DOCK10: variants seen among roughly 807,000 people sequenced by gnomAD.
DOCK10 encodes the protein dedicator of cytokinesis protein 10.
In DOCK10, 145 loss-of-function variants were observed where a neutral mutation model predicts 280.1. The ratio of observed to expected loss-of-function variants is 0.52; its 90% confidence interval spans 0.45 to 0.59. The LOEUF (loss-of-function observed/expected upper bound fraction) is 0.59, where lower values mean the gene tolerates loss of function less well. Among genes scored for constraint, DOCK10 ranks in the 20% least tolerant of loss-of-function variants. DOCK10 has a pLI of 0.00. For missense variants in DOCK10, 2,368 were observed against 2,651.7 expected (o/e 0.89, Z 2.35); for synonymous variants, 915 against 942.2 (o/e 0.97, Z 0.53).
chr2:225,016,583 ACATATATC>A (rs1559962720), intron 1 of DOCK10, among the ~76,000 whole-genome samples: 2 of 137,248 alleles, frequency 1.5e-5, no homozygotes, highest in Admixed American at 1.4e-4. Context: ...GCACATAGAT[ACATATATC>A]TATGTGCACA....
rs1701461430 is a variant in DOCK10 at position 224,918,445 on chromosome 2, GTGTA to G, written c.244-1665_244-1662del. ...TTGAGTGCGTGTGTTCGTATGGTGT[GTGTA>G]TGTGTTATGTGAGCATGTGTGGTGA... On this transcript the variant is annotated intron_variant, in intron 2 of 55. Transcript: ENST00000258390. Among the ~76,000 whole-genome samples the G allele has an allele frequency of 4.3e-5, 6 of 141,144 alleles. No homozygotes were observed. In the South Asian group the frequency reaches 1.1e-3, roughly 26 times the overall value. 92.6% of individuals were successfully genotyped at this position (141,144 alleles called of 152,430 possible). A position where few individuals can be genotyped will look rare whatever the true frequency, so the allele number is the denominator to read the frequency against.
chr2:224,901,311 C>T (rs1292335406), intron 3 of DOCK10, among the ~76,000 whole-genome samples: 1 of 152,146 alleles, frequency 6.6e-6, no homozygotes, highest in Non-Finnish European at 1.5e-5. Context: ...TACTGACTTC[C>T]CAGCCCACGG....
Position 224,786,803 on chromosome 2 carries a change from TAACTC to T in DOCK10, c.5655+214_5655+218del, listed in dbSNP as rs143061895. The stretch of plus-strand genomic sequence containing the variant: ...TCTTCAAGAAGTTAGAAATCACTGT[TAACTC>T]AACCCATGGATTTCTTTGCTCACTT... On this transcript the variant is annotated intron_variant, in intron 50 of 55. Transcript: ENST00000258390. The surrounding 1 kb of genome is among the most constrained non-coding windows in gnomAD (Gnocchi z 4.7). 0.026 allele frequency among the ~76,000 whole-genome samples: 4,011 copies of T among 152,310 alleles called. 149 individuals are homozygous for T. The highest frequency in any genetic ancestry group is 0.088 in the African/African-American group (3,669 of 41,544).
intron 11 of DOCK10, 107 bp downstream of exon 11, chr2:224,873,889 G>C: frequency 8.5e-7 from 1 of 1,170,748 alleles, no homozygotes; most frequent in South Asian, 1.6e-5. Flanking sequence ...TGGTACACTA[G>C]AGAGTGAGAA....
intron 1 of DOCK10, among the ~76,000 whole-genome samples, chr2:225,014,176 AATGTGGATTTTTAAAGCCACATTTTGC>A (rs1298192046): frequency 6.6e-6 from 1 of 150,494 alleles, no homozygotes; most frequent in Non-Finnish European, 1.5e-5. Context: ...TCCCCAAATC[AATGTGGATTTTTAAAGCCACATTTTGC>A]CTCTGGGAAT....
chr2:224,886,537 AT>A lies in DOCK10; in HGVS notation c.417-7del, dbSNP rs746522326. On this transcript the variant is annotated splice_region_variant and splice_polypyrimidine_tract_variant and intron_variant, in intron 4 of 55. Coordinates refer to ENST00000258390, the MANE Select transcript of DOCK10 (RefSeq NM_014689.3). ...TCTCTGGTTTGTATTCTGCTCTGATATTAAAAAAAAAAAAAGATTCTGATTT... is the reference window on the plus strand; with the variant it reads ...TCTCTGGTTTGTATTCTGCTCTGATATAAAAAAAAAAAAAGATTCTGATTT... 22 of 1,569,758 alleles carry A rather than the reference AT, an allele frequency of 1.4e-5. No individual in the cohort carries two copies. The African/African-American group carries it at 3.3e-4, about 24-fold the overall frequency.
rs746005138 is a variant in DOCK10, at chr2:224,805,424, G to A, written c.3920C>T (p.Thr1307Met). 10 of 1,612,620 alleles carry A rather than the reference G, an allele frequency of 6.2e-6. No homozygotes were observed. The highest frequency in any genetic ancestry group is 4.4e-5 in the South Asian group (4 of 91,060). ...PSTNEKSSEK[T>M]DNCEKIPRPL... ...AAGTCATACCTTTTCACAGTTGTCC[G>A]TCTTCTCACTGCTCTTCTCATTGGT... The change falls in exon 35 of 56, where the codon ACG becomes ATG. Residue 1307 changes from threonine to methionine, a missense_variant. Physicochemically the swap from Thr to Met is moderately conservative, Grantham distance 81 (BLOSUM62 -1). Around this residue, in one of 2 missense-constraint regions of DOCK10, gnomAD observed 1,159 missense variants for 1,400.8 expected, o/e 0.83. Transcript: ENST00000258390. This position sits in a 1 kb window ranked among gnomAD's most constrained non-coding sequence, Gnocchi z 4.3.
At chr2:224,902,172 T>C (rs1005832417) in intron 3 of DOCK10, among the ~76,000 whole-genome samples, 1 of 152,210 alleles carries the variant, frequency 6.6e-6, no homozygotes, top group African/African-American at 2.4e-5. Context: ...GTTACATACC[T>C]CAAATAGCAA....
intron 3 of DOCK10, among the ~76,000 whole-genome samples, chr2:224,907,404 A>C (rs572179576): frequency 6.0e-4 from 92 of 152,240 alleles, no homozygotes; most frequent in African/African-American, 2.1e-3. Flanking sequence ...TTAAGAATAG[A>C]GGGCCAGGCG....
chr2:224,902,265 T>C (rs1219549302), intron 3 of DOCK10, among the ~76,000 whole-genome samples: 1 of 151,358 alleles, frequency 6.6e-6, no homozygotes, highest in Non-Finnish European at 1.5e-5. Flanking sequence ...GCAAGTAACA[T>C]TTTTTTTTCA....
chr2:224,852,493 A>AT, intron 17 of DOCK10, 51 bp from the exon 18 acceptor site: 1 of 1,460,420 alleles, frequency 6.8e-7, no homozygotes, highest in Non-Finnish European at 9.4e-7. Flanking sequence ...ATCAAATAAC[A>AT]TAAAAAACCC....
At chr2:224,779,564 A>C (rs1183204276) in intron 50 of DOCK10, among the ~76,000 whole-genome samples, 1 of 152,174 alleles carries the variant, frequency 6.6e-6, no homozygotes, top group Non-Finnish European at 1.5e-5. Flanking sequence ...GGGTGAAGAC[A>C]CTGGATGTCA....
chr2:224,999,714 T>TTG lies in DOCK10; in HGVS notation c.123+42537_123+42538insCA, dbSNP rs1706375533. ...ATATCCATAAACACTATAATGGTGTTTTTTTTTTTTTTGGTAGATTCTTTA... is the reference window on the plus strand; with the variant it reads ...ATATCCATAAACACTATAATGGTGTTTGTTTTTTTTTTTTGGTAGATTCTTTA... On this transcript the variant is annotated intron_variant, in intron 1 of 55. Coordinates refer to ENST00000258390, the MANE Select transcript of DOCK10 (RefSeq NM_014689.3). 8.8e-5 allele frequency among the ~76,000 whole-genome samples: 13 copies of TTG among 148,560 alleles called. No individual in the cohort carries two copies. The South Asian group carries it at 2.3e-3, about 27-fold the overall frequency.
intron 1 of DOCK10, among the ~76,000 whole-genome samples, chr2:224,940,589 A>C (rs930229298): frequency 6.6e-6 from 1 of 152,168 alleles, no homozygotes. Flanking sequence ...GCATCCTGAA[A>C]ATGGGGGCTT....
intron 1 of DOCK10, among the ~76,000 whole-genome samples, chr2:224,956,157 T>C (rs986999851): frequency 3.3e-5 from 5 of 152,310 alleles, no homozygotes; most frequent in African/African-American, 9.6e-5. Flanking sequence ...GAGACTTGAT[T>C]TGGGACCTGG....
chr2:224,909,791 T>TGAACA (rs1700897303), intron 3 of DOCK10, among the ~76,000 whole-genome samples: 1 of 31,910 alleles, frequency 3.1e-5, no homozygotes, highest in Non-Finnish European at 1.0e-4. Context: ...GAGCTTGATG[T>TGAACA]TAACATGCAG....
At position 224,777,521 on chromosome 2, in the gene DOCK10, G is replaced by C. The variant is rs1433193111; in HGVS notation, c.5802+617C>G. Among the ~76,000 whole-genome samples, 4 of 152,182 alleles carry C rather than the reference G, an allele frequency of 2.6e-5. No homozygotes were observed. The East Asian group carries it at 7.7e-4, about 29-fold the overall frequency. On this transcript the variant is annotated intron_variant, in intron 51 of 55. Transcript: ENST00000258390. ...CCTGCCTTCTAACATCAGACTCCAA[G>C]TTCTTCAGCTTTTGGACTCTTGGAC...
intron 22 of DOCK10, among the ~76,000 whole-genome samples, chr2:224,844,251 C>A (rs145658220): frequency 0.011 from 1,602 of 152,306 alleles, 33 homozygotes; most frequent in African/African-American, 0.036. Context: ...CTGCCTCAGC[C>A]TCCCAAGTGG....
intron 3 of DOCK10, among the ~76,000 whole-genome samples, chr2:224,914,320 G>A (rs1179437948): frequency 6.6e-6 from 1 of 152,062 alleles, no homozygotes; most frequent in Non-Finnish European, 1.5e-5. Context: ...ATTTTTTAAA[G>A]CTAGCATCTC....
Sources: allele counts gnomAD v4.1 joint callset (sites outside exome capture counted in the v4.1 genomes callset), GRCh38; gene constraint gnomAD v4.1.1; regional missense constraint gnomAD v4.1.1; non-coding constraint Gnocchi (gnomAD v3.1); transcripts MANE v1.5; gene names NCBI Gene and HGNC (gene_info 2026-07-23, HGNC 2026-07-21).